AXL: variants seen among roughly 807,000 people sequenced by gnomAD.
AXL encodes AXL receptor tyrosine kinase.
A neutral mutation model predicts 104.5 loss-of-function variants in AXL; 52 were observed. That is an observed-to-expected ratio of 0.50 (90% CI 0.40 to 0.63). The LOEUF is 0.63. AXL is among the 20% of genes least tolerant of loss of function. AXL has a pLI of 0.00. For synonymous variants in AXL, 455 were observed against 473.7 expected, an observed-to-expected ratio of 0.96 and a Z score of 0.51; for missense variants, 1,024 against 1,188.5, an observed-to-expected ratio of 0.86 and a Z score of 2.04.
At position 41,239,157 on chromosome 19, in the gene AXL, C is replaced by G; in HGVS notation, c.1135-7C>G. 1 of 1,613,024 alleles carries G rather than the reference C, an allele frequency of 6.2e-7. No individual in the cohort carries two copies. The highest frequency in any genetic ancestry group is 8.5e-7 in the Non-Finnish European group (1 of 1,179,382). ...TTCTACCCTGATGCCACTTCTGGAC[C>G]TCCTAGGTGCTAATGGACATAGGGC... On this transcript the variant is annotated splice_region_variant and splice_polypyrimidine_tract_variant and intron_variant, in intron 8 of 19. Coordinates refer to ENST00000301178, the MANE Select transcript of AXL (RefSeq NM_021913.5).
chr19:41,231,212 C>T lies in AXL; in HGVS notation c.697C>T (p.Leu233=). The T allele has an allele frequency of 6.2e-7, 1 of 1,613,854 alleles. No individual in the cohort carries two copies. The highest frequency in any genetic ancestry group is 8.5e-7 in the Non-Finnish European group (1 of 1,179,854). The change falls in exon 6 of 20, where the codon CTG becomes TTG. Residue 233 remains leucine, a synonymous_variant. Transcript: ENST00000301178. The part of the protein sequence containing the change: ...VLPQQPRNLH[L]VSRQPTELEV... ...CCCCCAGCAGCCCCGTAACCTCCAC[C>T]TGGTCTCCCGCCAACCCACGGAGCT...
intron 1 of AXL, among the ~76,000 whole-genome samples, chr19:41,219,909 C>A (rs560030303): frequency 2.0e-5 from 3 of 151,822 alleles, no homozygotes; most frequent in African/African-American, 7.3e-5. Context: ...ACACCACCCC[C>A]CTGACCCGCC....
chr19:41,231,924 C>T (rs1163443344), intron 6 of AXL, among the ~76,000 whole-genome samples: 1 of 106,344 alleles, frequency 9.4e-6, no homozygotes, highest in Non-Finnish European at 1.9e-5. Context: ...GAGACTCTGT[C>T]TCAAAAAAAA....
At chr19:41,246,104 A>T (rs550726195) in intron 12 of AXL, among the ~76,000 whole-genome samples, 2 of 152,296 alleles carry the variant, frequency 1.3e-5, no homozygotes, top group East Asian at 3.9e-4. Context: ...GGATGATGTC[A>T]TCCAACACTC....
rs68001077 is a variant in AXL at position 41,253,726 on chromosome 19, ACCC to A, written c.2036+28_2036+30del. ...AACTGCATGTGAGTGCCTTTCAGGG[ACCC>A]CCCCCCCCCAACTGCTCCTGCACTC... On this transcript the variant is annotated intron_variant, in intron 17 of 19. Coordinates refer to ENST00000301178, the MANE Select transcript of AXL (RefSeq NM_021913.5). 386,303 of 1,383,150 alleles carry A rather than the reference ACCC, an allele frequency of 0.28. 53,423 individuals are homozygous for A. Among genetic ancestry groups the A allele is most frequent in the Middle Eastern group, 0.34 (1,686 of 4,954 alleles). The allele number at this position is 1,383,150 out of a possible 1,614,324, so 85.7% of individuals were successfully genotyped here.
At chr19:41,235,831 A>T (rs1431712448) in intron 6 of AXL, among the ~76,000 whole-genome samples, 1 of 152,182 alleles carries the variant, frequency 6.6e-6, no homozygotes, top group Non-Finnish European at 1.5e-5. Flanking sequence ...GGCCAAATGA[A>T]TTCAGATTTG....
chr19:41,238,334 T>C, intron 7 of AXL, 136 bp from the exon 8 acceptor site: 4 of 1,480,932 alleles, frequency 2.7e-6, no homozygotes, highest in East Asian at 2.3e-5. Flanking sequence ...TTCTCTCCCC[T>C]GTGCTTCCTC....
At chr19:41,255,272 T>C (rs2034434207) in intron 17 of AXL, among the ~76,000 whole-genome samples, 1 of 152,184 alleles carries the variant, frequency 6.6e-6, no homozygotes, top group Non-Finnish European at 1.5e-5. Flanking sequence ...ATCATATGAA[T>C]GTCCTGTGGA....
At chr19:41,239,014 G>T in intron 8 of AXL, 150 bp from the exon 9 acceptor site, 2 of 891,860 alleles carry the variant, frequency 2.2e-6, no homozygotes, top group East Asian at 2.7e-5. Flanking sequence ...AAAGGATGAG[G>T]ATGAGAGATG....
intron 6 of AXL, among the ~76,000 whole-genome samples, chr19:41,236,545 C>G (rs2034082662): frequency 6.6e-6 from 1 of 151,794 alleles, no homozygotes; most frequent in African/African-American, 2.4e-5. Flanking sequence ...CTTTGAGAGG[C>G]TGAGGCGGGC....
rs754489458 is a variant in AXL, at chr19:41,239,344, C to T, written c.1285+30C>T. ...GTCCAAAGCCATGCCCAACCTGCTT[C>T]AACCCTGTCTCTCCCTGACAGCCCT... On this transcript the variant is annotated intron_variant, in intron 9 of 19. Transcript: ENST00000301178. 1.9e-6 allele frequency: 3 copies of T among 1,542,480 alleles called. No homozygotes were observed. The Admixed American group carries it at 6.1e-5, about 31-fold the overall frequency.
intron 6 of AXL, 38 bp downstream of exon 6, chr19:41,231,336 C>A: frequency 6.4e-7 from 1 of 1,552,628 alleles, no homozygotes; most frequent in South Asian, 1.1e-5. Context: ...AGTCTCAGGC[C>A]TCCTTCCACC....
rs1568416528 is a variant in AXL at position 41,248,812 on chromosome 19, CGAT to C, written c.1706_1708del (p.Met569del). The C allele has an allele frequency of 6.2e-7, 1 of 1,610,860 alleles. No homozygotes were observed. The highest frequency in any genetic ancestry group is 8.5e-7 in the Non-Finnish European group (1 of 1,178,130). On this transcript the variant is annotated inframe_deletion, in exon 14 of 20. Coordinates refer to ENST00000301178, the MANE Select transcript of AXL (RefSeq NM_021913.5). ...TCCATCCTCAAGGTGGCTGTGAAGACGATGAAGAGTGAGTTACGTGCACATGTG... is the reference window on the plus strand; with the variant it reads ...TCCATCCTCAAGGTGGCTGTGAAGACGAAGAGTGAGTTACGTGCACATGTG...
At chr19:41,229,574 T>C (rs2033940722) in intron 4 of AXL, among the ~76,000 whole-genome samples, 1 of 152,120 alleles carries the variant, frequency 6.6e-6, no homozygotes, top group Non-Finnish European at 1.5e-5. Context: ...CAAGCTCCAA[T>C]ATTAACAGGG....
chr19:41,246,394 C>T lies in AXL; in HGVS notation c.1538-2120C>T, dbSNP rs190740564. The stretch of plus-strand genomic sequence containing the variant: ...CCCGGGAGGCGGATGTTGCAGCAAG[C>T]TGAGGTTGTACCACTGGACTTCAGC... On this transcript the variant is annotated intron_variant, in intron 12 of 19. Coordinates refer to ENST00000301178, the MANE Select transcript of AXL (RefSeq NM_021913.5). Among the ~76,000 whole-genome samples the T allele has an allele frequency of 3.0e-3, 455 of 151,490 alleles. 4 individuals are homozygous for T. The highest frequency in any genetic ancestry group is 6.8e-3 in the Middle Eastern group (2 of 294).
rs993029697 is a variant in AXL at position 41,230,840 on chromosome 19, A to G, written c.587-127A>G. The G allele has an allele frequency of 1.5e-5, 14 of 918,732 alleles. No homozygotes were observed. The African/African-American group carries it at 2.3e-4, about 15-fold the overall frequency. The allele number at this position is 918,732 out of a possible 1,614,324, so 56.9% of individuals were successfully genotyped here. ...CCTCAACTCTGCTAACCCTCCCTTC[A>G]GGCAAGTGCCTGTGTGGGCTGCACT... On this transcript the variant is annotated intron_variant, in intron 4 of 19. Coordinates refer to ENST00000301178, the MANE Select transcript of AXL (RefSeq NM_021913.5).
intron 4 of AXL, among the ~76,000 whole-genome samples, chr19:41,224,371 T>A (rs2033843039): frequency 6.6e-6 from 1 of 151,964 alleles, no homozygotes; most frequent in South Asian, 2.1e-4. Flanking sequence ...TACCACCTTT[T>A]TTCCCCCTTA....
intron 17 of AXL, among the ~76,000 whole-genome samples, chr19:41,255,409 CCTCT>C (rs769038481): frequency 3.8e-4 from 56 of 147,166 alleles, no homozygotes; most frequent in Non-Finnish European, 5.8e-4. Context: ...TCCCTCCCTC[CCTCT>C]CTCTTTCCCT....
Position 41,252,931 on chromosome 19 carries a change from C to T in AXL, c.1890C>T (p.Ser630=), listed in dbSNP as rs749383777. 86 of 1,614,034 alleles carry T rather than the reference C, an allele frequency of 5.3e-5. No individual in the cohort carries two copies. Among genetic ancestry groups the T allele is most frequent in the Non-Finnish European group, 6.9e-5 (81 of 1,180,016 alleles). Residue 630 remains serine, a synonymous_variant, in exon 16 of 20, where the codon AGC becomes AGT. Coordinates refer to ENST00000301178, the MANE Select transcript of AXL (RefSeq NM_021913.5). ...LPFMKHGDLH[S]FLLYSRLGDQ... ...TCATGAAACATGGAGACCTACACAG[C>T]TTCCTCCTCTATTCCCGGCTCGGGG...
Sources: allele counts gnomAD v4.1 joint callset (sites outside exome capture counted in the v4.1 genomes callset), GRCh38; gene constraint gnomAD v4.1.1; transcripts MANE v1.5; gene names NCBI Gene and HGNC (gene_info 2026-07-23, HGNC 2026-07-21).